Variants in CLEC4F observed in about 807,000 individuals in gnomAD.
CLEC4F encodes the protein C-type lectin domain family 4 member F.
A neutral mutation model predicts 53.4 loss-of-function variants in CLEC4F; 45 were observed. The ratio of observed to expected loss-of-function variants is 0.84; its 90% CI spans 0.66 to 1.08. The LOEUF (loss-of-function observed/expected upper bound fraction) is 1.08. Ranked by LOEUF, CLEC4F falls within the 50% of genes least tolerant of loss-of-function variation. The probability of loss-of-function intolerance (pLI) is 0.00; values close to 1 mark genes in which losing one functional copy is unlikely to be tolerated. For synonymous variants in CLEC4F, 245 were observed against 257.5 expected (o/e 0.95, Z 0.46); for missense variants, 753 against 698.2 (o/e 1.08, Z -0.88).
chr2:70,812,431 T>G lies in CLEC4F; in HGVS notation c.1539+16A>C, dbSNP rs782589994. 2.5e-6 allele frequency: 4 copies of G among 1,612,492 alleles called. No homozygotes were observed. The highest frequency in any genetic ancestry group is 3.4e-6 in the Non-Finnish European group (4 of 1,179,668). ...CACCAATTCCACCAACAACACCCCA[T>G]GCTCGCAGCTCTGACCTGCTCCTCC... On this transcript the variant is annotated intron_variant, in intron 5 of 6. Coordinates refer to ENST00000272367, the MANE Select transcript of CLEC4F (RefSeq NM_173535.3).
intron 5 of CLEC4F, among the ~76,000 whole-genome samples, chr2:70,810,371 C>T (rs1270254735): frequency 6.6e-6 from 1 of 152,082 alleles, no homozygotes; most frequent in Non-Finnish European, 1.5e-5. Context: ...GTAATCCCAG[C>T]ACTTTGGGAG....
At chr2:70,823,903 G>A (rs1677286327), upstream of CLEC4F, among the ~76,000 whole-genome samples, 2 of 151,850 alleles carry the variant, frequency 1.3e-5, 1 homozygote, top group South Asian at 4.2e-4. Flanking sequence ...GGTGGCAGGT[G>A]ACTGTAATCC....
Position 70,816,601 on chromosome 2 carries a change from A to T in CLEC4F, c.780T>A (p.His260Gln), listed in dbSNP as rs781978886. The change falls in exon 4 of 7, where the codon CAT becomes CAA. Residue 260 changes from histidine (H) to glutamine (Q), a missense_variant. Transcript: ENST00000272367. ...ANAEIYVLRG[H>Q]LDSVNDLRTQ... ...TCCTCAAGTCATTGACACTATCTAGATGGCCTCTCAAAACATAGATCTCAG... is the reference window on the plus strand; with the variant it reads ...TCCTCAAGTCATTGACACTATCTAGTTGGCCTCTCAAAACATAGATCTCAG... 70 of 1,613,946 alleles carry T rather than the reference A, an allele frequency of 4.3e-5. No homozygotes were observed. The highest frequency in any genetic ancestry group is 5.6e-5 in the Non-Finnish European group (66 of 1,180,046).
At chr2:70,815,973 C>G (rs200234205) in intron 4 of CLEC4F, 21 bp downstream of exon 4, 4 of 1,600,778 alleles carry the variant, frequency 2.5e-6, no homozygotes, top group Non-Finnish European at 2.6e-6. Context: ...TCCCCAAACG[C>G]GACTCCCCTC....
rs199899515 is a variant in CLEC4F at position 70,820,553 on chromosome 2, C to T, written c.-30G>A. On this transcript the variant is annotated 5_prime_UTR_variant, in exon 1 of 7. Transcript: ENST00000272367. ...GCTTCCTTGATCCTCCAGCACTGCTCCCAGCCACTGGCTCCTGGAAGGGCC... is the reference window on the plus strand; with the variant it reads ...GCTTCCTTGATCCTCCAGCACTGCTTCCAGCCACTGGCTCCTGGAAGGGCC... 1 of 1,566,898 alleles carries T rather than the reference C, an allele frequency of 6.4e-7. No individual in the cohort carries two copies. Among genetic ancestry groups the T allele is most frequent in the Non-Finnish European group, 8.7e-7 (1 of 1,154,372 alleles).
intron 4 of CLEC4F, among the ~76,000 whole-genome samples, chr2:70,813,623 C>CTTTCTTT (rs1467745851): frequency 1.8e-5 from 2 of 113,738 alleles, no homozygotes; most frequent in Non-Finnish European, 3.8e-5. Flanking sequence ...TTCTTTCTTT[C>CTTTCTTT]TTTCTTTCTT....
Position 70,812,508 on chromosome 2 carries a change from G to C in CLEC4F, c.1478C>G (p.Ala493Gly). The part of the protein sequence containing the change: ...FSSVKKSWHE[A>G]EQFCVSQGAH... ...TCCCTGGGACACGCAGAACTGCTCA[G>C]CCTCATGCCAAGACTTCTTGACACT... The change falls in exon 5 of 7, where the codon GCT becomes GGT. Residue 493 changes from alanine to glycine, a missense_variant. Coordinates refer to ENST00000272367, the MANE Select transcript of CLEC4F (RefSeq NM_173535.3). The C allele has an allele frequency of 6.2e-7, 1 of 1,614,222 alleles. No individual in the cohort carries two copies. Among genetic ancestry groups the C allele is most frequent in the Non-Finnish European group, 8.5e-7 (1 of 1,180,030 alleles).
chr2:70,811,415 C>A, intron 5 of CLEC4F: 1 of 657,388 alleles, frequency 1.5e-6, no homozygotes, highest in Non-Finnish European at 2.8e-6. Flanking sequence ...TATAGATATC[C>A]TGTGCCTTGG....
Position 70,816,678 on chromosome 2 carries a change from T to A in CLEC4F, c.703A>T (p.Thr235Ser), listed in dbSNP as rs1425650307. The A allele has an allele frequency of 1.4e-5, 23 of 1,614,070 alleles. No individual in the cohort carries two copies. Among genetic ancestry groups the A allele is most frequent in the Non-Finnish European group, 1.9e-5 (23 of 1,180,042 alleles). Residue 235 changes from threonine to serine, a missense_variant, in exon 4 of 7, where the codon ACG becomes TCG. Coordinates refer to ENST00000272367, the MANE Select transcript of CLEC4F (RefSeq NM_173535.3). ...EIQMLNASLETANTQAQLANS... is the reference protein window; with the variant it reads ...EIQMLNASLESANTQAQLANS... ...GCTAACTGAGCCTGGGTATTTGCCG[T>A]TTCCAAACTGGCATTCAACATCTGA...
intron 4 of CLEC4F, among the ~76,000 whole-genome samples, chr2:70,815,633 G>A (rs566725254): frequency 6.6e-6 from 1 of 152,320 alleles, no homozygotes; most frequent in East Asian, 1.9e-4. Context: ...CCTTGCAGAT[G>A]AGAAAAGTGT....
At chr2:70,819,657 G>A (rs1677120728) in intron 2 of CLEC4F, 118 bp downstream of exon 2, 1 of 854,350 alleles carries the variant, frequency 1.2e-6, no homozygotes, top group South Asian at 1.6e-5. Context: ...CCTGGAGCTG[G>A]AGGTGGAATG....
At chr2:70,810,366 C>A (rs1306613334) in intron 5 of CLEC4F, among the ~76,000 whole-genome samples, 1 of 151,988 alleles carries the variant, frequency 6.6e-6, no homozygotes, top group Non-Finnish European at 1.5e-5. Context: ...TGCCTGTAAT[C>A]CCAGCACTTT....
chr2:70,809,032 T>G lies in CLEC4F; in HGVS notation c.*239A>C. ...CTGAATTTGGACACAGTCTTCAGTC[T>G]GCCCATTCTTGTGCCGCCAGTTGTC... On this transcript the variant is annotated 3_prime_UTR_variant, in exon 7 of 7. Coordinates refer to ENST00000272367, the MANE Select transcript of CLEC4F (RefSeq NM_173535.3). 2.7e-6 allele frequency: 4 copies of G among 1,488,520 alleles called. No individual in the cohort carries two copies. Among genetic ancestry groups the G allele is most frequent in the Non-Finnish European group, 3.6e-6 (4 of 1,103,114 alleles). The allele number at this position is 1,488,520 out of a possible 1,614,324, so 92.2% of individuals were successfully genotyped here. A position where few individuals can be genotyped will look rare whatever the true frequency, so the allele number is the denominator to read the frequency against.
At chr2:70,812,308 C>T (rs1180650607) in intron 5 of CLEC4F, 139 bp downstream of exon 5, 5 of 832,624 alleles carry the variant, frequency 6.0e-6, no homozygotes, top group African/African-American at 5.2e-5. Context: ...CATCAGAACT[C>T]ACTCAATATT....
upstream of CLEC4F, among the ~76,000 whole-genome samples, chr2:70,823,110 G>GGT (rs782366786): frequency 2.3e-4 from 33 of 142,776 alleles, no homozygotes; most frequent in Admixed American, 2.1e-4. Flanking sequence ...TGATGGTGGG[G>GGT]GTGTGTGTGT....
intron 6 of CLEC4F, 94 bp from the exon 7 acceptor site, chr2:70,809,476 G>A (rs1676420592): frequency 1.5e-6 from 2 of 1,355,634 alleles, no homozygotes; most frequent in Non-Finnish European, 2.0e-6. Flanking sequence ...CTCTGTGGAG[G>A]AGTCCAGGTG....
upstream of CLEC4F, among the ~76,000 whole-genome samples, chr2:70,821,020 T>C (rs1677200233): frequency 6.6e-6 from 1 of 152,176 alleles, no homozygotes; most frequent in African/African-American, 2.4e-5. Flanking sequence ...GACCAGCCAC[T>C]TGGGGACTCA....
intron 5 of CLEC4F, 35 bp from the exon 6 acceptor site, chr2:70,809,892 G>T: frequency 1.4e-6 from 2 of 1,478,178 alleles, no homozygotes; most frequent in Non-Finnish European, 1.9e-6. Context: ...TTGCCCCTGT[G>T]TGTGGGGAGC....
rs782315525 is a variant in CLEC4F, at chr2:70,809,243, C to T, written c.*28G>A. On this transcript the variant is annotated 3_prime_UTR_variant, in exon 7 of 7. Coordinates refer to ENST00000272367, the MANE Select transcript of CLEC4F (RefSeq NM_173535.3). ...AGGACAGGGCTGGGAGAAGGAGTAC[C>T]CTGAGGGTGTCTGTGCTCAGGTTGC... The T allele has an allele frequency of 3.1e-6, 5 of 1,611,286 alleles. No individual in the cohort carries two copies. In the African/African-American group the frequency reaches 4.0e-5, roughly 13 times the overall value.
Sources: gnomAD v4.1 joint callset for allele counts (sites outside exome capture counted in the v4.1 genomes callset) on GRCh38, gnomAD v4.1.1 for gene constraint, MANE v1.5 for transcripts, NCBI Gene and HGNC (gene_info 2026-07-23, HGNC 2026-07-21) for gene names.